The following KIF3C variants were observed in gnomAD, a reference collection of about 807,000 sequenced individuals.
KIF3C encodes the protein kinesin-like protein KIF3C.
KIF3C carries 12 observed loss-of-function variants against 67.7 expected under a neutral mutation model. The observed-to-expected ratio is 0.18, with a 90% CI of 0.11 to 0.29. The LOEUF is 0.29. Among genes scored for constraint, KIF3C ranks in the 10% least tolerant of loss-of-function variants. The pLI, the probability that KIF3C is intolerant of heterozygous loss-of-function variation, is 1.00. For synonymous variants in KIF3C, 393 were observed against 426.2 expected, an observed-to-expected ratio of 0.92 and a Z score of 0.96; for missense variants, 789 against 1,059.6, an observed-to-expected ratio of 0.74 and a Z score of 3.55.
chr2:25,954,606 T>G (rs974865928), intron 3 of KIF3C, among the ~76,000 whole-genome samples: 1 of 152,204 alleles, frequency 6.6e-6, no homozygotes. Flanking sequence ...CTGTGACCAT[T>G]GTCTGCTCTT....
At position 25,928,959 on chromosome 2, in the gene KIF3C, C is replaced by A; in HGVS notation, c.*19G>T. 1 of 1,606,804 alleles carries A rather than the reference C, an allele frequency of 6.2e-7. No individual in the cohort carries two copies. The highest frequency in any genetic ancestry group is 8.5e-7 in the Non-Finnish European group (1 of 1,176,104). On this transcript the variant is annotated 3_prime_UTR_variant, in exon 8 of 8. Coordinates refer to ENST00000264712, the MANE Select transcript of KIF3C (RefSeq NM_002254.8). Reference sequence around the variant, plus strand: ...CCATCCCAGGAGTCTATTGGATGGGCAGCCTGACGTGATGGTTGTCACTCA... The same window carrying A: ...CCATCCCAGGAGTCTATTGGATGGGAAGCCTGACGTGATGGTTGTCACTCA...
At chr2:25,929,202 C>T (rs2149220037) in intron 7 of KIF3C, 103 bp downstream of exon 7, 2 of 1,454,748 alleles carry the variant, frequency 1.4e-6, no homozygotes, top group East Asian at 4.6e-5. Context: ...CCTTGCCCTT[C>T]CTGCCCTTCG....
intron 1 of KIF3C, among the ~76,000 whole-genome samples, chr2:25,962,879 A>T (rs1345671519): frequency 1.5e-5 from 1 of 64,794 alleles, no homozygotes; most frequent in African/African-American, 7.1e-5. Flanking sequence ...ATAATATATA[A>T]AATATATATA....
At chr2:25,961,109 C>G (rs1380717190) in intron 1 of KIF3C, among the ~76,000 whole-genome samples, 1 of 152,210 alleles carries the variant, frequency 6.6e-6, no homozygotes, top group Admixed American at 6.5e-5. Flanking sequence ...TCTGACTAAT[C>G]TCTGAGAGTT....
At chr2:25,962,526 G>A (rs988585903) in intron 1 of KIF3C, among the ~76,000 whole-genome samples, 7 of 150,834 alleles carry the variant, frequency 4.6e-5, no homozygotes, top group Admixed American at 2.0e-4. Context: ...TTACAGGCGC[G>A]CACCACCACA....
intron 5 of KIF3C, among the ~76,000 whole-genome samples, chr2:25,947,507 G>A (rs1233663811): frequency 6.6e-6 from 1 of 151,962 alleles, no homozygotes; most frequent in Non-Finnish European, 1.5e-5. Flanking sequence ...CGTGAACCCG[G>A]GAGGTGGAGC....
intron 5 of KIF3C, among the ~76,000 whole-genome samples, chr2:25,931,573 T>C (rs1383957800): frequency 6.6e-6 from 1 of 152,182 alleles, no homozygotes; most frequent in Non-Finnish European, 1.5e-5. Flanking sequence ...TTGCTTTAAA[T>C]TGTTTCTGCA....
At chr2:25,956,519 C>T (rs1663811398) in intron 1 of KIF3C, 75 bp from the exon 2 acceptor site, 1 of 1,153,294 alleles carries the variant, frequency 8.7e-7, no homozygotes, top group Non-Finnish European at 1.3e-6. Flanking sequence ...GATTTTGCTT[C>T]CCTGCTCTGT....
chr2:25,960,030 CTAG>C (rs1366434070), intron 1 of KIF3C, among the ~76,000 whole-genome samples: 2 of 152,132 alleles, frequency 1.3e-5, no homozygotes, highest in Admixed American at 6.6e-5. Flanking sequence ...TTATGTGGCT[CTAG>C]CATTCTTTAT....
chr2:25,934,181 C>G, intron 5 of KIF3C: 1 of 470,648 alleles, frequency 2.1e-6, no homozygotes, highest in South Asian at 1.5e-5. Context: ...GCCATAGAAA[C>G]AGAAAGTAGA....
At chr2:25,962,991 AT>A in intron 1 of KIF3C, among the ~76,000 whole-genome samples, 1 of 42,254 alleles carries the variant, frequency 2.4e-5, no homozygotes, top group South Asian at 5.3e-4. Flanking sequence ...AATATATAAT[AT>A]ATATAATATA....
intron 4 of KIF3C, 155 bp from the exon 5 acceptor site, chr2:25,952,060 G>C: frequency 1.7e-6 from 1 of 589,982 alleles, no homozygotes; most frequent in Non-Finnish European, 3.1e-6. Flanking sequence ...GGGAGACCAA[G>C]GCGGGCGGAT....
At chr2:25,947,690 CA>C (rs1663483773) in intron 5 of KIF3C, among the ~76,000 whole-genome samples, 1 of 151,592 alleles carries the variant, frequency 6.6e-6, no homozygotes, top group Non-Finnish European at 1.5e-5. Context: ...TCAGCATATA[CA>C]AACCATTTTA....
chr2:25,947,125 A>G lies in KIF3C; in HGVS notation c.2006+4664T>C, dbSNP rs552526479. On this transcript the variant is annotated intron_variant, in intron 5 of 7. Coordinates refer to ENST00000264712, the MANE Select transcript of KIF3C (RefSeq NM_002254.8). ...AGCCGAGATTGTGCCATTGCACTCC[A>G]GCCTGGGCAACAAGAGCAGAGAGCA... Among the ~76,000 whole-genome samples, 14 of 152,246 alleles carry G rather than the reference A, an allele frequency of 9.2e-5. No homozygotes were observed. The South Asian group carries it at 2.9e-3, about 32-fold the overall frequency.
rs979441681 is a variant in KIF3C at position 25,958,323 on chromosome 2, G to A, written c.1546-1879C>T. ...GGGCTGGGGACGGTGGCTCATGCCC[G>A]TAATCCCAGCACTTTGGGAAGTTGA... On this transcript the variant is annotated intron_variant, in intron 1 of 7. Coordinates refer to ENST00000264712, the MANE Select transcript of KIF3C (RefSeq NM_002254.8). The surrounding 1 kb of genome is among the most constrained non-coding windows in gnomAD (Gnocchi z 4.5). 7.2e-5 allele frequency among the ~76,000 whole-genome samples: 11 copies of A among 152,266 alleles called. No individual in the cohort carries two copies. Among genetic ancestry groups the A allele is most frequent in the East Asian group, 1.9e-4 (1 of 5,178 alleles).
At chr2:25,968,114 A>G (rs1232009446) in intron 1 of KIF3C, among the ~76,000 whole-genome samples, 1 of 152,166 alleles carries the variant, frequency 6.6e-6, no homozygotes, top group Admixed American at 6.5e-5. Flanking sequence ...AGTCAGCAGT[A>G]AGGGAAGAAG....
intron 1 of KIF3C, among the ~76,000 whole-genome samples, chr2:25,972,865 T>C (rs749977334): frequency 3.3e-5 from 5 of 152,094 alleles, no homozygotes; most frequent in Non-Finnish European, 5.9e-5. Context: ...CCCCTCTTTA[T>C]TGTCCCCCTC....
chr2:25,981,969 C>T lies in KIF3C; in HGVS notation c.-52G>A, dbSNP rs1032010157. On this transcript the variant is annotated 5_prime_UTR_variant, in exon 1 of 8. Coordinates refer to ENST00000264712, the MANE Select transcript of KIF3C (RefSeq NM_002254.8). This position sits in a 1 kb window ranked among gnomAD's most constrained non-coding sequence, Gnocchi z 8.2. ...GAGCCCCTCCGCAGCCTGGGCGGTC[C>T]TGCTATCCTGCTCGCTAGGTCGGGA... 7.1e-7 allele frequency: 1 copy of T among 1,415,506 alleles called. No homozygotes were observed. The highest frequency in any genetic ancestry group is 1.4e-5 in the African/African-American group (1 of 69,928). The allele number at this position is 1,415,506 out of a possible 1,614,324, so 87.7% of individuals were successfully genotyped here.
In KIF3C at chr2:25,940,650, C is replaced by CTTTTTTTT. The variant is rs70950139; in HGVS notation, c.2007-10595_2007-10588dup. Among the ~76,000 whole-genome samples, 11 of 74,170 alleles carry CTTTTTTTT rather than the reference C, an allele frequency of 1.5e-4. 1 individual carries two copies. Among genetic ancestry groups the CTTTTTTTT allele is most frequent in the East Asian group, 3.8e-4 (1 of 2,606 alleles). The allele number at this position is 74,170 out of a possible 152,430, so 48.7% of individuals were successfully genotyped here. Reference sequence around the variant, plus strand: ...AGCAGGGGCTAGAATTCAGAATGTTCTTTTTTTTTTTTTTTTTTTTTTTTG... The same window carrying CTTTTTTTT: ...AGCAGGGGCTAGAATTCAGAATGTTCTTTTTTTTTTTTTTTTTTTTTTTTTTTTTTTTG... On this transcript the variant is annotated intron_variant, in intron 5 of 7. Coordinates refer to ENST00000264712, the MANE Select transcript of KIF3C (RefSeq NM_002254.8).
Sources: allele counts gnomAD v4.1 joint callset (sites outside exome capture counted in the v4.1 genomes callset), GRCh38; gene constraint gnomAD v4.1.1; non-coding constraint Gnocchi (gnomAD v3.1); transcripts MANE v1.5; gene names NCBI Gene and HGNC (gene_info 2026-07-23, HGNC 2026-07-21).